MED13L: variants seen among roughly 807,000 people sequenced by gnomAD.
MED13L encodes mediator complex subunit 13L.
Under a neutral mutation model 220.9 loss-of-function variants are expected in MED13L, and 7 were observed. The observed-to-expected ratio is 0.03, with a 90% confidence interval of 0.02 to 0.06. The LOEUF (loss-of-function observed/expected upper bound fraction) is 0.06, where lower values mean the gene tolerates loss of function less well. MED13L is among the 10% of genes least tolerant of loss of function. The pLI is 1.00. For missense variants in MED13L, 1,965 were observed against 2,760.5 expected, an observed-to-expected ratio of 0.71 and a Z score of 6.46; for synonymous variants, 1,011 against 1,015.2, an observed-to-expected ratio of 1.00 and a Z score of 0.08.
intron 2 of MED13L, among the ~76,000 whole-genome samples, chr12:116,224,602 T>C (rs1184853879): frequency 6.6e-6 from 1 of 152,164 alleles, no homozygotes; most frequent in Non-Finnish European, 1.5e-5. Flanking sequence ...AAATAAATGG[T>C]GGTAATTCTA....
intron 4 of MED13L, among the ~76,000 whole-genome samples, chr12:116,056,092 GT>G (rs1313527306): frequency 6.9e-6 from 1 of 145,912 alleles, no homozygotes. Context: ...CAGCCCAAAG[GT>G]AAGTTTGTTA....
intron 2 of MED13L, among the ~76,000 whole-genome samples, chr12:116,180,217 A>G (rs74788357): frequency 0.019 from 2,920 of 152,300 alleles, 57 homozygotes; most frequent in Non-Finnish European, 0.032. Flanking sequence ...CTCCACAAAC[A>G]ACATCCAGCC....
At chr12:116,192,987 G>A (rs1015506217) in intron 2 of MED13L, among the ~76,000 whole-genome samples, 3 of 152,114 alleles carry the variant, frequency 2.0e-5, no homozygotes, top group Non-Finnish European at 2.9e-5. Flanking sequence ...AAAAACTTAC[G>A]CATGGTGGCA....
chr12:116,009,220 T>G, intron 9 of MED13L, 88 bp from the exon 10 acceptor site: 1 of 1,325,826 alleles, frequency 7.5e-7, no homozygotes. Context: ...ATACATTAGA[T>G]GTACTAATAC....
intron 23 of MED13L, among the ~76,000 whole-genome samples, chr12:115,978,483 C>T (rs752211353): frequency 6.6e-5 from 10 of 152,032 alleles, no homozygotes; most frequent in African/African-American, 9.7e-5. Context: ...TCCGCCACCA[C>T]GCCTGGCTAA....
intron 4 of MED13L, among the ~76,000 whole-genome samples, chr12:116,039,733 T>A (rs1309629677): frequency 1.3e-5 from 2 of 151,938 alleles, no homozygotes; most frequent in African/African-American, 4.8e-5. Context: ...AAAGCTTGGT[T>A]TATATGAGGG....
Position 116,111,484 on chromosome 12 carries a change from G to T in MED13L, c.339C>A (p.Gly113=). Reference sequence around the variant, plus strand: ...GCAGCGTCCTACATTCATAGGAAAGGCCATTTTCCCAGAGTCCTTCTTCCA... The same window carrying T: ...GCAGCGTCCTACATTCATAGGAAAGTCCATTTTCCCAGAGTCCTTCTTCCA... ...QVVEEGLWEN[G]LSYECRTLLF... Residue 113 remains glycine (G), a synonymous_variant, in exon 3 of 31, where the codon GGC becomes GGA. Coordinates refer to ENST00000281928, the MANE Select transcript of MED13L (RefSeq NM_015335.5). 6.2e-7 allele frequency: 1 copy of T among 1,608,772 alleles called. No homozygotes were observed. Among genetic ancestry groups the T allele is most frequent in the Non-Finnish European group, 8.5e-7 (1 of 1,179,014 alleles).
Position 116,066,474 on chromosome 12 carries a change from T to C in MED13L, c.479+30195A>G, listed in dbSNP as rs979300812. ...CTTGCTTGAAAAATGCTGTTAAATA[T>C]CGTATGTTCTTCTAAAGACTACTCA... is the stretch of plus-strand genomic sequence containing the variant. On this transcript the variant is annotated intron_variant, in intron 4 of 30. Transcript: ENST00000281928. Among the ~76,000 whole-genome samples, 13 of 152,284 alleles carry C rather than the reference T, an allele frequency of 8.5e-5. No individual in the cohort carries two copies. The South Asian group carries it at 2.1e-3, about 24-fold the overall frequency.
intron 17 of MED13L, among the ~76,000 whole-genome samples, chr12:115,987,507 G>C (rs950072433): frequency 9.9e-5 from 15 of 152,120 alleles, no homozygotes; most frequent in African/African-American, 3.6e-4. Flanking sequence ...AGGGGAAATG[G>C]ATTACTCTAT....
intron 1 of MED13L, among the ~76,000 whole-genome samples, chr12:116,259,443 T>A (rs1020157826): frequency 9.9e-5 from 15 of 152,040 alleles, no homozygotes; most frequent in Admixed American, 5.2e-4. Context: ...CAAAAACATG[T>A]AAAAATATAC....
At chr12:116,139,435 T>C (rs1025144918) in intron 2 of MED13L, among the ~76,000 whole-genome samples, 12 of 152,140 alleles carry the variant, frequency 7.9e-5, no homozygotes, top group Admixed American at 5.2e-4. Flanking sequence ...CAGGGGTCAG[T>C]ATTATAAATC....
At chr12:115,968,036 A>C (rs1413569752) in intron 28 of MED13L, among the ~76,000 whole-genome samples, 4 of 130,836 alleles carry the variant, frequency 3.1e-5, no homozygotes, top group African/African-American at 1.2e-4. Context: ...TAATAAATTC[A>C]GTGCTGGGAA....
chr12:116,183,957 A>C (rs1880713752), intron 2 of MED13L, among the ~76,000 whole-genome samples: 1 of 152,100 alleles, frequency 6.6e-6, no homozygotes, highest in Non-Finnish European at 1.5e-5. Context: ...TGTACATTAC[A>C]CTTAGTGGAA....
chr12:116,029,434 G>T (rs1430459170), intron 4 of MED13L, among the ~76,000 whole-genome samples: 1 of 151,930 alleles, frequency 6.6e-6, no homozygotes, highest in African/African-American at 2.4e-5. Flanking sequence ...AAAAACTAGT[G>T]TAATTAAACC....
At chr12:116,259,275 G>T (rs965625195) in intron 1 of MED13L, among the ~76,000 whole-genome samples, 18 of 152,112 alleles carry the variant, frequency 1.2e-4, no homozygotes, top group Non-Finnish European at 5.9e-5. Context: ...GCAGGAAAAG[G>T]TGGAGAATTA....
At chr12:116,254,871 C>T (rs1485088534) in intron 1 of MED13L, among the ~76,000 whole-genome samples, 1 of 152,092 alleles carries the variant, frequency 6.6e-6, no homozygotes, top group Non-Finnish European at 1.5e-5. Context: ...ATACTAAGAA[C>T]TACGGAACAA....
At chr12:116,221,012 TTGA>T (rs1198905996) in intron 2 of MED13L, among the ~76,000 whole-genome samples, 2 of 152,156 alleles carry the variant, frequency 1.3e-5, no homozygotes, top group Non-Finnish European at 2.9e-5. Flanking sequence ...TGCCACTTAT[TTGA>T]TAACTACTAA....
chr12:116,205,007 A>C (rs1269849459), intron 2 of MED13L, among the ~76,000 whole-genome samples: 1 of 152,164 alleles, frequency 6.6e-6, no homozygotes, highest in Non-Finnish European at 1.5e-5. Flanking sequence ...GGCTACCTAG[A>C]ACACCATAAA....
intron 14 of MED13L, among the ~76,000 whole-genome samples, chr12:116,001,486 A>C (rs913726514): frequency 6.6e-6 from 1 of 152,214 alleles, no homozygotes; most frequent in Non-Finnish European, 1.5e-5. Flanking sequence ...CTAGACATTA[A>C]CTTTTATAAT....
Sources: allele counts gnomAD v4.1 joint callset (sites outside exome capture counted in the v4.1 genomes callset), GRCh38; gene constraint gnomAD v4.1.1; transcripts MANE v1.5; gene names NCBI Gene and HGNC (gene_info 2026-07-23, HGNC 2026-07-21).